The following MMP26 variants were observed in gnomAD, a reference collection of about 807,000 sequenced individuals.
The protein encoded by MMP26 is matrix metallopeptidase 26.
Under a neutral mutation model 31.0 loss-of-function variants are expected in MMP26, and 33 were observed. That is an observed-to-expected ratio of 1.06 (90% CI 0.81 to 1.42). MMP26 has a LOEUF of 1.42. MMP26 is among the 40% of genes most tolerant of loss of function. The pLI is 0.00. For synonymous variants in MMP26, 122 were observed against 114.9 expected, an observed-to-expected ratio of 1.06 and a Z score of -0.40; for missense variants, 347 against 316.1, an observed-to-expected ratio of 1.10 and a Z score of -0.74.
At chr11:4,859,506 T>C (rs1434259980) in intron 2 of MMP26, 2 of 358,454 alleles carry the variant, frequency 5.6e-6, no homozygotes, top group Non-Finnish European at 1.1e-5. Context: ...CACTCCTGCA[T>C]TTCCCCAGAT....
At chr11:4,785,762 G>A (rs1848934811) in intron 2 of MMP26, among the ~76,000 whole-genome samples, 1 of 152,154 alleles carries the variant, frequency 6.6e-6, no homozygotes, top group Non-Finnish European at 1.5e-5. Flanking sequence ...CTATAATTAA[G>A]CACCAGATAG....
rs529173924 is a variant in MMP26 at position 4,825,095 on chromosome 11, G to C, written c.-145+57754G>C. On this transcript the variant is annotated intron_variant, in intron 2 of 7. Coordinates refer to ENST00000380390, the MANE Select transcript of MMP26 (RefSeq NM_021801.5). ...GAGAAATGATAGGGCAGTTCTTGTGGAGGAAAGGTATCAGTTGTGAGGCAT... is the reference window on the plus strand; with the variant it reads ...GAGAAATGATAGGGCAGTTCTTGTGCAGGAAAGGTATCAGTTGTGAGGCAT... 1.8e-4 allele frequency among the ~76,000 whole-genome samples: 28 copies of C among 152,220 alleles called. 1 individual carries two copies. Among genetic ancestry groups the C allele is most frequent in the African/African-American group, 6.7e-4 (28 of 41,552 alleles).
At chr11:4,944,131 A>G (rs191194107) in intron 2 of MMP26, 208 of 455,876 alleles carry the variant, frequency 4.6e-4, no homozygotes, top group Non-Finnish European at 7.3e-4. Context: ...AGGTAGATAG[A>G]TACAGTTATG....
At chr11:4,939,740 C>T (rs913604292) in intron 2 of MMP26, among the ~76,000 whole-genome samples, 2 of 152,064 alleles carry the variant, frequency 1.3e-5, no homozygotes, top group African/African-American at 4.8e-5. Flanking sequence ...TCTCAATGTG[C>T]CCAAATTTCT....
At chr11:4,842,649 G>T (rs1849812384) in intron 2 of MMP26, among the ~76,000 whole-genome samples, 1 of 152,104 alleles carries the variant, frequency 6.6e-6, no homozygotes, top group South Asian at 2.1e-4. Flanking sequence ...CATGAGATTT[G>T]GGTGGGGACA....
Position 4,842,677 on chromosome 11 carries a change from A to G in MMP26, c.-145+75336A>G, listed in dbSNP as rs1382838920. Among the ~76,000 whole-genome samples, 3 of 152,268 alleles carry G rather than the reference A, an allele frequency of 2.0e-5. No individual in the cohort carries two copies. In the East Asian group the frequency reaches 5.8e-4, roughly 29 times the overall value. The stretch of plus-strand genomic sequence containing the variant: ...TGGGGACACAGAGCCAAAACATATC[A>G]TTCTGCCCCTTGACCCTCCAAAATC... On this transcript the variant is annotated intron_variant, in intron 2 of 7. Coordinates refer to ENST00000380390, the MANE Select transcript of MMP26 (RefSeq NM_021801.5).
chr11:4,819,266 A>G (rs531976609), intron 2 of MMP26, among the ~76,000 whole-genome samples: 2 of 152,340 alleles, frequency 1.3e-5, no homozygotes, highest in South Asian at 4.1e-4. Flanking sequence ...CTTGAAATTT[A>G]TTATTGTATA....
chr11:4,955,901 G>A (rs1160496786), intron 2 of MMP26, among the ~76,000 whole-genome samples: 1 of 152,218 alleles, frequency 6.6e-6, no homozygotes, highest in Non-Finnish European at 1.5e-5. Flanking sequence ...AATGAAGAGA[G>A]ATGGGTAATA....
intron 2 of MMP26, among the ~76,000 whole-genome samples, chr11:4,796,764 G>T (rs1475480974): frequency 6.6e-6 from 1 of 152,124 alleles, no homozygotes; most frequent in Non-Finnish European, 1.5e-5. Flanking sequence ...GGAGATGCCA[G>T]GTCTCCTGCT....
At chr11:4,929,373 C>T (rs1233680931) in intron 2 of MMP26, among the ~76,000 whole-genome samples, 1 of 152,008 alleles carries the variant, frequency 6.6e-6, no homozygotes, top group Non-Finnish European at 1.5e-5. Flanking sequence ...TGAATTCAAA[C>T]CTTGTACAAA....
intron 2 of MMP26, among the ~76,000 whole-genome samples, chr11:4,971,053 T>C (rs1273368837): frequency 6.6e-6 from 1 of 152,084 alleles, no homozygotes; most frequent in Non-Finnish European, 1.5e-5. Flanking sequence ...TAATAAAACG[T>C]TCTCACAAAC....
intron 2 of MMP26, among the ~76,000 whole-genome samples, chr11:4,800,541 A>T (rs113933685): frequency 0.025 from 3,783 of 152,266 alleles, 77 homozygotes; most frequent in Admixed American, 0.037. Context: ...ATACTCTGAA[A>T]TGCCTTCAAG....
intron 2 of MMP26, among the ~76,000 whole-genome samples, chr11:4,820,808 T>A (rs952131322): frequency 5.3e-5 from 8 of 152,166 alleles, no homozygotes; most frequent in Non-Finnish European, 1.2e-4. Context: ...CAAGAGTTGG[T>A]GTATGGATGA....
At chr11:4,975,193 A>C (rs1846721332) in intron 2 of MMP26, among the ~76,000 whole-genome samples, 1 of 152,066 alleles carries the variant, frequency 6.6e-6, no homozygotes, top group Admixed American at 6.5e-5. Context: ...ACAAAACACA[A>C]GAAAAAAATC....
At chr11:4,732,853 T>A (rs928594620) in intron 1 of MMP26, among the ~76,000 whole-genome samples, 46 of 152,268 alleles carry the variant, frequency 3.0e-4, no homozygotes, top group African/African-American at 1.1e-3. Flanking sequence ...ACATTTTGTA[T>A]ATTCATTTTT....
At chr11:4,779,340 TGTG>T (rs1216639529) in intron 2 of MMP26, among the ~76,000 whole-genome samples, 3 of 152,078 alleles carry the variant, frequency 2.0e-5, no homozygotes, top group Non-Finnish European at 4.4e-5. Context: ...ATTTTATTAA[TGTG>T]GTAAGATACG....
At chr11:4,864,591 C>A (rs1850209316) in intron 2 of MMP26, among the ~76,000 whole-genome samples, 1 of 152,144 alleles carries the variant, frequency 6.6e-6, no homozygotes. Flanking sequence ...AGAGACAATG[C>A]ATGCTATAAA....
At chr11:4,914,846 G>A (rs771902033) in intron 2 of MMP26, 4 of 1,614,032 alleles carry the variant, frequency 2.5e-6, no homozygotes, top group East Asian at 4.5e-5. Flanking sequence ...CAGGTGGGGT[G>A]CCTGCTTTCC....
intron 2 of MMP26, among the ~76,000 whole-genome samples, chr11:4,781,742 C>T (rs1274197278): frequency 2.0e-5 from 3 of 152,008 alleles, no homozygotes; most frequent in Non-Finnish European, 4.4e-5. Context: ...CTTGTAGCTC[C>T]CATAATTCCC....
Sources: allele counts gnomAD v4.1 joint callset (sites outside exome capture counted in the v4.1 genomes callset), GRCh38; gene constraint gnomAD v4.1.1; transcripts MANE v1.5; gene names NCBI Gene and HGNC (gene_info 2026-07-23, HGNC 2026-07-21).